IMMP2L: variants seen among roughly 807,000 people sequenced by gnomAD.
IMMP2L encodes the protein mitochondrial inner membrane protease subunit 2.
Under a neutral mutation model 19.3 loss-of-function variants are expected in IMMP2L, and 18 were observed. The observed-to-expected ratio is 0.93, with a 90% CI of 0.64 to 1.38. The LOEUF (loss-of-function observed/expected upper bound fraction) is 1.38. Among genes scored for constraint, IMMP2L ranks in the 40% most tolerant of loss-of-function variants. IMMP2L has a pLI of 0.00. For synonymous variants in IMMP2L, 76 were observed against 73.0 expected, an observed-to-expected ratio of 1.04 and a Z score of -0.21; for missense variants, 233 against 218.2, an observed-to-expected ratio of 1.07 and a Z score of -0.43.
chr7:111,181,316 G>A (rs1484651196), intron 3 of IMMP2L, among the ~76,000 whole-genome samples: 1 of 151,906 alleles, frequency 6.6e-6, no homozygotes, highest in Non-Finnish European at 1.5e-5. Flanking sequence ...CATGAAACAC[G>A]CTTCTAATGA....
At chr7:111,271,273 T>C (rs560710167) in intron 3 of IMMP2L, among the ~76,000 whole-genome samples, 1 of 152,230 alleles carries the variant, frequency 6.6e-6, no homozygotes, top group African/African-American at 2.4e-5. Context: ...GAACGGTGAA[T>C]CAATTAAACC....
intron 2 of IMMP2L, among the ~76,000 whole-genome samples, chr7:111,520,237 C>T (rs1386672173): frequency 3.9e-5 from 6 of 152,098 alleles, no homozygotes; most frequent in Non-Finnish European, 7.4e-5. Flanking sequence ...TTGCTTTGGG[C>T]TGGTGATCCA....
intron 1 of IMMP2L, among the ~76,000 whole-genome samples, chr7:111,551,121 A>G (rs952356796): frequency 6.6e-6 from 1 of 152,192 alleles, no homozygotes; most frequent in Non-Finnish European, 1.5e-5. Context: ...TTCCGTAACT[A>G]GAACTTGATA....
chr7:111,108,942 G>A (rs1252150826), intron 3 of IMMP2L, among the ~76,000 whole-genome samples: 1 of 152,190 alleles, frequency 6.6e-6, no homozygotes, highest in South Asian at 2.1e-4. Context: ...AGGCATTGGA[G>A]ATCCATAGCT....
chr7:110,754,077 T>C (rs931899153), intron 5 of IMMP2L, among the ~76,000 whole-genome samples: 5 of 151,984 alleles, frequency 3.3e-5, no homozygotes, highest in Admixed American at 3.3e-4. Context: ...ATTTTTCCTG[T>C]CCTCTTTTCA....
At chr7:110,765,064 G>A (rs890490502) in intron 5 of IMMP2L, among the ~76,000 whole-genome samples, 20 of 151,948 alleles carry the variant, frequency 1.3e-4, no homozygotes, top group African/African-American at 2.9e-4. Flanking sequence ...ACATTTTGCC[G>A]CTATATTCTT....
At chr7:111,329,985 A>C (rs1825716159) in intron 3 of IMMP2L, among the ~76,000 whole-genome samples, 1 of 151,900 alleles carries the variant, frequency 6.6e-6, no homozygotes, top group Non-Finnish European at 1.5e-5. Context: ...CACTGGCAAG[A>C]ACAGTGGCAA....
At chr7:110,793,621 T>C (rs906676712) in intron 5 of IMMP2L, among the ~76,000 whole-genome samples, 1 of 151,944 alleles carries the variant, frequency 6.6e-6, no homozygotes, top group South Asian at 2.1e-4. Flanking sequence ...AAAAAAAGTA[T>C]AAAGCTGCAG....
chr7:110,703,506 C>CA (rs1016451125), intron 5 of IMMP2L, among the ~76,000 whole-genome samples: 6 of 152,236 alleles, frequency 3.9e-5, no homozygotes, highest in Non-Finnish European at 7.4e-5. Context: ...ACTCATCTCT[C>CA]AGAGATAATT....
At chr7:111,539,188 GA>G (rs1848216754) in intron 1 of IMMP2L, among the ~76,000 whole-genome samples, 2 of 69,084 alleles carry the variant, frequency 2.9e-5, no homozygotes, top group South Asian at 5.1e-4. Flanking sequence ...AGGAAGGAAG[GA>G]AGGAGGGAGA....
At chr7:111,502,051 C>T (rs1844329390) in intron 2 of IMMP2L, among the ~76,000 whole-genome samples, 1 of 152,130 alleles carries the variant, frequency 6.6e-6, no homozygotes, top group Non-Finnish European at 1.5e-5. Flanking sequence ...AGTCATACAT[C>T]AGTGTGCTGT....
At chr7:111,193,337 A>C (rs560420543) in intron 3 of IMMP2L, among the ~76,000 whole-genome samples, 5 of 152,178 alleles carry the variant, frequency 3.3e-5, no homozygotes, top group African/African-American at 1.2e-4. Context: ...TCTTCTTCCC[A>C]CTCTGAGAAT....
intron 1 of IMMP2L, among the ~76,000 whole-genome samples, chr7:111,540,355 T>C (rs1848404293): frequency 6.6e-6 from 1 of 152,162 alleles, no homozygotes; most frequent in African/African-American, 2.4e-5. Flanking sequence ...TGCCAACCTG[T>C]GCACAACATT....
At chr7:110,840,290 C>A (rs955777447) in intron 5 of IMMP2L, among the ~76,000 whole-genome samples, 7 of 152,116 alleles carry the variant, frequency 4.6e-5, no homozygotes, top group African/African-American at 1.7e-4. Flanking sequence ...TTTTTCATAC[C>A]TTTGTAAATA....
At chr7:110,824,232 G>C (rs773086646) in intron 5 of IMMP2L, among the ~76,000 whole-genome samples, 1 of 151,986 alleles carries the variant, frequency 6.6e-6, no homozygotes, top group East Asian at 1.9e-4. Flanking sequence ...AATGAGATCT[G>C]AATGTCTCCT....
At chr7:111,334,994 A>C (rs982108375) in intron 3 of IMMP2L, among the ~76,000 whole-genome samples, 1 of 152,072 alleles carries the variant, frequency 6.6e-6, no homozygotes, top group Non-Finnish European at 1.5e-5. Flanking sequence ...GAGAGCTCTA[A>C]CAAGAAGCTT....
chr7:110,873,751 G>C (rs1443993668), intron 5 of IMMP2L, among the ~76,000 whole-genome samples: 1 of 151,206 alleles, frequency 6.6e-6, no homozygotes, highest in African/African-American at 2.4e-5. Context: ...CCCAGCAATG[G>C]GCAACAAGAG....
intron 3 of IMMP2L, among the ~76,000 whole-genome samples, chr7:111,266,351 T>C (rs537565182): frequency 4.8e-4 from 73 of 152,058 alleles, no homozygotes; most frequent in African/African-American, 1.7e-3. Flanking sequence ...AAGACCAGCC[T>C]GGCCAACATG....
chr7:110,877,010 G>A lies in IMMP2L; in HGVS notation c.408+9583C>T, dbSNP rs980225650. On this transcript the variant is annotated intron_variant, in intron 5 of 5. Transcript: ENST00000405709. This position sits in a 1 kb window ranked among gnomAD's most constrained non-coding sequence, Gnocchi z 4.0. Reference sequence around the variant, plus strand: ...TGGCAAGCTTTTTAAATAAAGAGCAGATAATAAATATTTTAGGATTTGTGG... The same window carrying A: ...TGGCAAGCTTTTTAAATAAAGAGCAAATAATAAATATTTTAGGATTTGTGG... Among the ~76,000 whole-genome samples, 1 of 152,132 alleles carries A rather than the reference G, an allele frequency of 6.6e-6. No individual in the cohort carries two copies. Among genetic ancestry groups the A allele is most frequent in the Non-Finnish European group, 1.5e-5 (1 of 68,022 alleles).
Sources: gnomAD v4.1 joint callset for allele counts (sites outside exome capture counted in the v4.1 genomes callset) on GRCh38, gnomAD v4.1.1 for gene constraint, Gnocchi (gnomAD v3.1) non-coding constraint, MANE v1.5 for transcripts, NCBI Gene and HGNC (gene_info 2026-07-23, HGNC 2026-07-21) for gene names.